Variants in PRKG1 observed in about 807,000 individuals in gnomAD.
PRKG1 encodes cGMP-dependent protein kinase 1.
PRKG1 carries 35 observed loss-of-function variants against 88.1 expected under a neutral mutation model. The observed-to-expected ratio is 0.40, with a 90% CI of 0.30 to 0.53. The LOEUF (loss-of-function observed/expected upper bound fraction) is 0.53, where lower values mean the gene tolerates loss of function less well. Among genes scored for constraint, PRKG1 ranks in the 20% least tolerant of loss-of-function variants. The pLI is 0.59. For synonymous variants in PRKG1, 303 were observed against 292.5 expected (o/e 1.04, Z -0.37); for missense variants, 540 against 839.8 (o/e 0.64, Z 4.41).
intron 2 of PRKG1, among the ~76,000 whole-genome samples, chr10:51,455,098 C>T (rs1302446382): frequency 2.6e-5 from 4 of 152,224 alleles, no homozygotes; most frequent in African/African-American, 7.2e-5. Flanking sequence ...GACTTCTGTG[C>T]ATCCACAGAC....
chr10:51,159,323 C>T (rs1846303705), intron 2 of PRKG1, among the ~76,000 whole-genome samples: 1 of 152,110 alleles, frequency 6.6e-6, no homozygotes, highest in African/African-American at 2.4e-5. Context: ...GTAAATTTAA[C>T]ATGAGAAATG....
At chr10:51,533,415 A>C (rs1006146848) in intron 3 of PRKG1, among the ~76,000 whole-genome samples, 2 of 152,204 alleles carry the variant, frequency 1.3e-5, no homozygotes, top group African/African-American at 4.8e-5. Flanking sequence ...TAGAGGTAGT[A>C]CTGGAACTAA....
chr10:51,805,407 A>G (rs1839278875), intron 4 of PRKG1, among the ~76,000 whole-genome samples: 1 of 152,006 alleles, frequency 6.6e-6, no homozygotes, highest in South Asian at 2.1e-4. Flanking sequence ...AAGAAAATAT[A>G]TTATCTTATA....
intron 3 of PRKG1, among the ~76,000 whole-genome samples, chr10:51,725,801 T>A (rs1842118126): frequency 6.6e-6 from 1 of 151,838 alleles, no homozygotes. Flanking sequence ...GCCTGGCTAA[T>A]TTTTGTATTT....
chr10:51,871,946 G>A (rs551334263), intron 4 of PRKG1, among the ~76,000 whole-genome samples: 5 of 152,254 alleles, frequency 3.3e-5, no homozygotes, highest in African/African-American at 1.2e-4. Flanking sequence ...AGTAGAGGGA[G>A]GAAGAAAGGA....
rs149823936 is a variant in PRKG1 at position 51,303,760 on chromosome 10, GAT to G, written c.478+150433_478+150434del. Among the ~76,000 whole-genome samples, 538 of 151,626 alleles carry G rather than the reference GAT, an allele frequency of 3.5e-3. 3 individuals carry two copies. The highest frequency in any genetic ancestry group is 0.012 in the African/African-American group (480 of 41,306). On this transcript the variant is annotated intron_variant, in intron 2 of 17. Coordinates refer to ENST00000373980, the MANE Select transcript of PRKG1 (RefSeq NM_006258.4). ...ATCTTTAGAATTTAATTCTCTTTAAGATATCACAAACTATTTTTCAATTTTAA... is the reference window on the plus strand; with the variant it reads ...ATCTTTAGAATTTAATTCTCTTTAAGATCACAAACTATTTTTCAATTTTAA...
intron 4 of PRKG1, among the ~76,000 whole-genome samples, chr10:51,820,653 T>C (rs570994330): frequency 4.8e-4 from 73 of 152,138 alleles, no homozygotes; most frequent in Non-Finnish European, 1.5e-4. Context: ...CAGTGGAAAA[T>C]GGCAATGTCT....
intron 2 of PRKG1, among the ~76,000 whole-genome samples, chr10:51,309,762 A>T (rs1033556499): frequency 8.5e-5 from 13 of 152,192 alleles, no homozygotes; most frequent in African/African-American, 3.1e-4. Flanking sequence ...CAAAGGAAAA[A>T]AAAATTGTTA....
chr10:51,659,782 A>G (rs1353353959), intron 3 of PRKG1, among the ~76,000 whole-genome samples: 2 of 152,104 alleles, frequency 1.3e-5, no homozygotes, highest in African/African-American at 2.4e-5. Context: ...GAAGATGCCA[A>G]TTAAATGAGA....
intron 3 of PRKG1, among the ~76,000 whole-genome samples, chr10:51,551,040 T>G (rs537504044): frequency 4.5e-4 from 69 of 152,032 alleles, no homozygotes; most frequent in African/African-American, 1.6e-3. Context: ...GATATACAAC[T>G]GTGCATTTTA....
At chr10:52,154,158 C>T (rs1163466329) in intron 8 of PRKG1, among the ~76,000 whole-genome samples, 1 of 152,128 alleles carries the variant, frequency 6.6e-6, no homozygotes, top group African/African-American at 2.4e-5. Context: ...TTTTGATTAT[C>T]TTTTGATAAG....
In PRKG1 at chr10:52,296,271, G is replaced by A. The variant is rs1192671353; in HGVS notation, c.*2371G>A. ...GGTTCAAGTCTAAGACAACCAATATGAATAAGTTCAATGGAGAAGGAAGAA... is the reference window on the plus strand; with the variant it reads ...GGTTCAAGTCTAAGACAACCAATATAAATAAGTTCAATGGAGAAGGAAGAA... On this transcript the variant is annotated 3_prime_UTR_variant, in exon 18 of 18. Transcript: ENST00000373980. The A allele has an allele frequency of 6.6e-6, 1 of 152,036 alleles. No individual in the cohort carries two copies. Among genetic ancestry groups the A allele is most frequent in the Non-Finnish European group, 1.5e-5 (1 of 67,936 alleles). The allele number at this position is 152,036 out of a possible 1,614,324, so 9.4% of individuals were successfully genotyped here.
intron 2 of PRKG1, among the ~76,000 whole-genome samples, chr10:51,382,033 T>C (rs377741473): frequency 1.3e-5 from 2 of 152,166 alleles, no homozygotes; most frequent in East Asian, 1.9e-4. Flanking sequence ...TTGGTTTTTT[T>C]CTCCCCCGAA....
chr10:51,454,608 G>A (rs986534594), intron 2 of PRKG1, among the ~76,000 whole-genome samples: 4 of 152,158 alleles, frequency 2.6e-5, no homozygotes, highest in African/African-American at 9.7e-5. Flanking sequence ...GGCTGGGGAG[G>A]CCTCATAATC....
chr10:52,225,649 GA>G (rs1840369660), intron 9 of PRKG1, among the ~76,000 whole-genome samples: 1 of 152,106 alleles, frequency 6.6e-6, no homozygotes, highest in African/African-American at 2.4e-5. Context: ...AATCCATCTT[GA>G]GTTGATTTTT....
intron 3 of PRKG1, among the ~76,000 whole-genome samples, chr10:51,684,544 A>G (rs1840936474): frequency 6.6e-6 from 1 of 152,174 alleles, no homozygotes; most frequent in Admixed American, 6.5e-5. Flanking sequence ...GATTGTTTAA[A>G]TTAGATATTG....
At chr10:51,928,627 G>A (rs1288676054) in intron 5 of PRKG1, among the ~76,000 whole-genome samples, 1 of 152,096 alleles carries the variant, frequency 6.6e-6, no homozygotes, top group Non-Finnish European at 1.5e-5. Context: ...TGATTTTAAG[G>A]GTTATCGGAT....
intron 4 of PRKG1, among the ~76,000 whole-genome samples, chr10:51,828,103 C>CTA (rs1839920587): frequency 1.3e-5 from 2 of 152,006 alleles, no homozygotes; most frequent in Non-Finnish European, 2.9e-5. Flanking sequence ...TGTTTAACAT[C>CTA]TATATATATT....
intron 2 of PRKG1, among the ~76,000 whole-genome samples, chr10:51,332,139 G>C (rs867032432): frequency 6.6e-6 from 1 of 152,194 alleles, no homozygotes; most frequent in Non-Finnish European, 1.5e-5. Context: ...TGTCTGGTAT[G>C]CTTTTGAAGA....
Sources: allele counts gnomAD v4.1 joint callset (sites outside exome capture counted in the v4.1 genomes callset), GRCh38; gene constraint gnomAD v4.1.1; transcripts MANE v1.5; gene names NCBI Gene and HGNC (gene_info 2026-07-23, HGNC 2026-07-21).